Variants in CDK14 observed in about 807,000 individuals in gnomAD.
CDK14 encodes cyclin-dependent kinase 14.
A neutral mutation model predicts 60.7 loss-of-function variants in CDK14; 34 were observed. The observed-to-expected ratio is 0.56, with a 90% CI of 0.43 to 0.75. CDK14 has a LOEUF of 0.75. Among genes scored for constraint, CDK14 ranks in the 30% least tolerant of loss-of-function variants. The pLI is 0.00. For synonymous variants in CDK14, 197 were observed against 203.7 expected (o/e 0.97, Z 0.28); for missense variants, 482 against 564.1 (o/e 0.85, Z 1.47).
chr7:90,675,560 T>C (rs1801183020), intron 2 of CDK14, among the ~76,000 whole-genome samples: 2 of 152,334 alleles, frequency 1.3e-5, no homozygotes, highest in South Asian at 4.1e-4. Context: ...CAGCCAACTC[T>C]ATAAGACTTT....
intron 4 of CDK14, among the ~76,000 whole-genome samples, chr7:90,774,822 AC>A (rs1341828606): frequency 6.6e-6 from 1 of 152,134 alleles, no homozygotes; most frequent in Non-Finnish European, 1.5e-5. Flanking sequence ...AACTCTGAAT[AC>A]CCCTGCCTTA....
At chr7:90,911,980 G>T (rs1041950861) in intron 7 of CDK14, among the ~76,000 whole-genome samples, 34 of 152,116 alleles carry the variant, frequency 2.2e-4, no homozygotes. Context: ...GCTAAAGATA[G>T]CTCTGCTGCT....
intron 10 of CDK14, among the ~76,000 whole-genome samples, chr7:90,991,276 G>T (rs1196008095): frequency 1.3e-5 from 2 of 152,112 alleles, no homozygotes; most frequent in Admixed American, 1.3e-4. Context: ...TCAGGGAGAT[G>T]CATGGGAATC....
intron 12 of CDK14, among the ~76,000 whole-genome samples, chr7:91,103,250 CAAAAAAAAA>C (rs894736792): frequency 1.4e-5 from 2 of 144,714 alleles, no homozygotes; most frequent in Non-Finnish European, 3.0e-5. Context: ...AATACTCTGT[CAAAAAAAAA>C]AAGAAATGCT....
intron 7 of CDK14, 152 bp from the exon 8 acceptor site, chr7:90,917,449 A>G (rs2286696): frequency 0.55 from 324,069 of 590,962 alleles, 90,852 homozygotes; most frequent in East Asian, 0.69. Context: ...TTTACATACT[A>G]AAATCTCACA....
intron 10 of CDK14, among the ~76,000 whole-genome samples, chr7:90,986,890 A>G (rs1795386359): frequency 6.6e-6 from 1 of 152,004 alleles, no homozygotes; most frequent in Non-Finnish European, 1.5e-5. Flanking sequence ...TTACTGATTT[A>G]TGGTAGAATT....
chr7:90,611,979 C>T (rs960516839), intron 2 of CDK14, among the ~76,000 whole-genome samples: 3 of 151,830 alleles, frequency 2.0e-5, no homozygotes, highest in East Asian at 3.9e-4. Flanking sequence ...ATTACAGACG[C>T]CCACCACCAC....
intron 10 of CDK14, among the ~76,000 whole-genome samples, chr7:91,039,067 C>G (rs1283040832): frequency 6.6e-6 from 1 of 151,432 alleles, no homozygotes; most frequent in Non-Finnish European, 1.5e-5. Flanking sequence ...TGTATCTTTA[C>G]ACACACTCTC....
intron 11 of CDK14, among the ~76,000 whole-genome samples, chr7:91,055,901 A>G (rs1203591186): frequency 6.6e-6 from 1 of 152,150 alleles, no homozygotes; most frequent in African/African-American, 2.4e-5. Context: ...ATTTCCATAA[A>G]CTGGCCGTAC....
chr7:90,729,122 A>G (rs919674377), intron 3 of CDK14, among the ~76,000 whole-genome samples: 9 of 148,438 alleles, frequency 6.1e-5, no homozygotes, highest in African/African-American at 7.5e-5. Context: ...CTCTGATTCA[A>G]CCTCTTCAGA....
chr7:90,812,783 G>T (rs1054316903), intron 5 of CDK14, among the ~76,000 whole-genome samples: 1 of 152,152 alleles, frequency 6.6e-6, no homozygotes, highest in Non-Finnish European at 1.5e-5. Context: ...GTTTCATATG[G>T]AATAATGGAA....
intron 14 of CDK14, among the ~76,000 whole-genome samples, chr7:91,201,209 A>C (rs1051612463): frequency 6.6e-6 from 1 of 152,172 alleles, no homozygotes; most frequent in African/African-American, 2.4e-5. Context: ...CTTGAAGAGA[A>C]ACTAAACGTA....
chr7:90,830,396 T>C (rs888548106), intron 5 of CDK14, among the ~76,000 whole-genome samples: 14 of 152,168 alleles, frequency 9.2e-5, no homozygotes, highest in African/African-American at 2.9e-4. Flanking sequence ...ATGGCCAGGA[T>C]GCAAGGCACC....
chr7:90,780,628 A>C, intron 4 of CDK14, among the ~76,000 whole-genome samples: 1 of 133,882 alleles, frequency 7.5e-6, no homozygotes. Context: ...TCCTGTGTCC[A>C]TGTGTTCTCA....
At chr7:90,602,510 AGTATG>A (rs1411223692) in intron 1 of CDK14, among the ~76,000 whole-genome samples, 3 of 152,248 alleles carry the variant, frequency 2.0e-5, no homozygotes, top group African/African-American at 7.2e-5. Context: ...GGGAGTAGAC[AGTATG>A]GTAATATTGT....
intron 10 of CDK14, among the ~76,000 whole-genome samples, chr7:91,023,912 A>G (rs1796499485): frequency 6.6e-6 from 1 of 152,104 alleles, no homozygotes; most frequent in Admixed American, 6.5e-5. Flanking sequence ...AGCTGGGATT[A>G]TAGGTGCACG....
chr7:90,703,601 A>G (rs1348257190), intron 2 of CDK14, among the ~76,000 whole-genome samples: 1 of 152,200 alleles, frequency 6.6e-6, no homozygotes, highest in Admixed American at 6.5e-5. Context: ...AAGGGTTTGT[A>G]ATTGAATTAA....
intron 11 of CDK14, among the ~76,000 whole-genome samples, chr7:91,060,381 G>C (rs1797741913): frequency 6.6e-6 from 1 of 151,988 alleles, no homozygotes; most frequent in Non-Finnish European, 1.5e-5. Flanking sequence ...CTTTTAATTG[G>C]AGCATCTAGC....
chr7:91,189,110 A>T (rs972211881), intron 14 of CDK14, among the ~76,000 whole-genome samples: 7 of 152,198 alleles, frequency 4.6e-5, no homozygotes, highest in Non-Finnish European at 1.0e-4. Flanking sequence ...AATCAACAAA[A>T]TAATTTAATT....
Sources: allele counts gnomAD v4.1 joint callset (sites outside exome capture counted in the v4.1 genomes callset), GRCh38; gene constraint gnomAD v4.1.1; transcripts MANE v1.5; gene names NCBI Gene and HGNC (gene_info 2026-07-23, HGNC 2026-07-21).